The following UNC5D variants were observed in gnomAD, a reference collection of about 807,000 sequenced individuals.
The protein encoded by UNC5D is unc-5 netrin receptor D.
Under a neutral mutation model 105.4 loss-of-function variants are expected in UNC5D, and 39 were observed. The ratio of observed to expected loss-of-function variants is 0.37; its 90% CI spans 0.29 to 0.48. The LOEUF (loss-of-function observed/expected upper bound fraction) is 0.48. Ranked by LOEUF, UNC5D falls within the 20% of genes least tolerant of loss-of-function variation. The pLI is 0.98. For synonymous variants in UNC5D, 452 were observed against 450.4 expected, an observed-to-expected ratio of 1.00 and a Z score of -0.04; for missense variants, 991 against 1,202.4, an observed-to-expected ratio of 0.82 and a Z score of 2.60.
chr8:35,469,648 A>T (rs527775321), intron 1 of UNC5D, among the ~76,000 whole-genome samples: 1 of 152,346 alleles, frequency 6.6e-6, no homozygotes, highest in East Asian at 1.9e-4. Context: ...GAAGTAAAAA[A>T]GGTAGAGATT....
At chr8:35,259,919 A>G (rs1187233330) in intron 1 of UNC5D, among the ~76,000 whole-genome samples, 1 of 151,774 alleles carries the variant, frequency 6.6e-6, no homozygotes, top group East Asian at 1.9e-4. Context: ...TTTGATTTTT[A>G]TTTTTTCCTT....
At chr8:35,461,021 G>A (rs1808847782) in intron 1 of UNC5D, among the ~76,000 whole-genome samples, 1 of 151,564 alleles carries the variant, frequency 6.6e-6, no homozygotes, top group South Asian at 2.1e-4. Flanking sequence ...TTAGGCAAAT[G>A]AAGAAGATTT....
At chr8:35,507,049 CTTT>C (rs71215631) in intron 1 of UNC5D, among the ~76,000 whole-genome samples, 26 of 76,186 alleles carry the variant, frequency 3.4e-4, no homozygotes, top group Middle Eastern at 0.017. Context: ...CAGGGCTTTT[CTTT>C]TTTTTTTTTT....
chr8:35,699,057 T>A (rs997634974), intron 7 of UNC5D, among the ~76,000 whole-genome samples: 1 of 152,286 alleles, frequency 6.6e-6, no homozygotes, highest in East Asian at 1.9e-4. Context: ...CTCATAGATA[T>A]TGGCTTAAAA....
At chr8:35,728,356 C>T (rs1441989706) in intron 10 of UNC5D, among the ~76,000 whole-genome samples, 1 of 151,920 alleles carries the variant, frequency 6.6e-6, no homozygotes, top group African/African-American at 2.4e-5. Flanking sequence ...CTGTGTTTGT[C>T]GTTCATCAAA....
rs1047298635 is a variant in UNC5D at position 35,339,461 on chromosome 8, A to G, written c.103+103574A>G. Among the ~76,000 whole-genome samples the G allele has an allele frequency of 8.5e-5, 13 of 152,224 alleles. 1 individual carries two copies. Among genetic ancestry groups the G allele is most frequent in the African/African-American group, 3.1e-4 (13 of 41,462 alleles). Reference sequence around the variant, plus strand: ...TCTATTTATGCTCAAAGTGAAGTCTACAGAGAAAAAGATGTATGATTTAGG... The same window carrying G: ...TCTATTTATGCTCAAAGTGAAGTCTGCAGAGAAAAAGATGTATGATTTAGG... On this transcript the variant is annotated intron_variant, in intron 1 of 16. Transcript: ENST00000404895.
intron 1 of UNC5D, among the ~76,000 whole-genome samples, chr8:35,314,047 T>C (rs1809098266): frequency 6.6e-6 from 1 of 152,136 alleles, no homozygotes; most frequent in Non-Finnish European, 1.5e-5. Flanking sequence ...ATTCTGAAAA[T>C]AATAGATTGT....
chr8:35,625,214 C>A (rs1464822757), intron 4 of UNC5D, among the ~76,000 whole-genome samples: 1 of 152,126 alleles, frequency 6.6e-6, no homozygotes, highest in African/African-American at 2.4e-5. Context: ...TATAAAATAT[C>A]TTTAAAACTC....
intron 1 of UNC5D, among the ~76,000 whole-genome samples, chr8:35,278,935 C>G (rs1250379539): frequency 6.6e-6 from 1 of 152,174 alleles, no homozygotes; most frequent in Non-Finnish European, 1.5e-5. Context: ...TAATCCACCA[C>G]TAAATGTTAA....
intron 3 of UNC5D, among the ~76,000 whole-genome samples, chr8:35,586,973 A>G (rs1377211584): frequency 6.6e-6 from 1 of 152,212 alleles, no homozygotes; most frequent in Admixed American, 6.5e-5. Flanking sequence ...ATGACAAAAA[A>G]GGCCAAATAG....
At chr8:35,470,148 A>T (rs971273638) in intron 1 of UNC5D, among the ~76,000 whole-genome samples, 4 of 152,202 alleles carry the variant, frequency 2.6e-5, no homozygotes, top group African/African-American at 9.6e-5. Context: ...TACAACTAGT[A>T]ATTGAGGAGA....
intron 4 of UNC5D, among the ~76,000 whole-genome samples, chr8:35,642,120 C>T (rs1337180271): frequency 6.6e-6 from 1 of 152,134 alleles, no homozygotes; most frequent in Non-Finnish European, 1.5e-5. Context: ...GATTCTGCAC[C>T]TCCACCTAGA....
chr8:35,507,285 G>A (rs996549684), intron 1 of UNC5D, among the ~76,000 whole-genome samples: 47 of 151,978 alleles, frequency 3.1e-4, no homozygotes, highest in Non-Finnish European at 5.7e-4. Flanking sequence ...TCGATTTCCT[G>A]ACCTCGTGAT....
intron 11 of UNC5D, among the ~76,000 whole-genome samples, chr8:35,731,399 CAAAAAAAAA>C (rs57529561): frequency 0.011 from 351 of 30,648 alleles, 2 homozygotes; most frequent in African/African-American, 0.02. Flanking sequence ...ACTCTGTCTC[CAAAAAAAAA>C]AAAAAAAAAA....
At chr8:35,311,965 A>G (rs1434461462) in intron 1 of UNC5D, among the ~76,000 whole-genome samples, 1 of 152,170 alleles carries the variant, frequency 6.6e-6, no homozygotes, top group African/African-American at 2.4e-5. Flanking sequence ...CGGGAAAAAA[A>G]AGAACACCTC....
In UNC5D at chr8:35,664,710, A is replaced by G. The variant is rs928459826; in HGVS notation, c.571-18837A>G. 2.6e-5 allele frequency among the ~76,000 whole-genome samples: 4 copies of G among 152,178 alleles called. No individual in the cohort carries two copies. In the East Asian group the frequency reaches 7.8e-4, roughly 30 times the overall value. On this transcript the variant is annotated intron_variant, in intron 4 of 16. Transcript: ENST00000404895. ...TTGGTTCTTAAAAGTTTCCCACATT[A>G]CCTCAACAATGACTTGTATGAAAAG...
At chr8:35,580,955 G>T (rs1818439894) in intron 3 of UNC5D, among the ~76,000 whole-genome samples, 1 of 152,146 alleles carries the variant, frequency 6.6e-6, no homozygotes, top group Admixed American at 6.5e-5. Context: ...GGAAGTAGAG[G>T]TCAGAAGAGC....
intron 1 of UNC5D, among the ~76,000 whole-genome samples, chr8:35,407,346 T>TA (rs368131972): frequency 1.0e-3 from 154 of 148,194 alleles, no homozygotes; most frequent in Admixed American, 2.1e-3. Context: ...TTAGTATAAG[T>TA]AAAAAAAAAA....
intron 4 of UNC5D, among the ~76,000 whole-genome samples, chr8:35,642,596 C>G (rs900815961): frequency 4.6e-5 from 7 of 152,026 alleles, no homozygotes; most frequent in Non-Finnish European, 1.0e-4. Context: ...TTTTCTGAAG[C>G]CTGCGAAATC....
Sources: gnomAD v4.1 joint callset for allele counts (sites outside exome capture counted in the v4.1 genomes callset) on GRCh38, gnomAD v4.1.1 for gene constraint, MANE v1.5 for transcripts, NCBI Gene and HGNC (gene_info 2026-07-23, HGNC 2026-07-21) for gene names.